Variants in ASTN2 observed in about 807,000 individuals in gnomAD.
ASTN2 encodes astrotactin 2, also known as astrotactin-2.
Under a neutral mutation model 139.8 loss-of-function variants are expected in ASTN2, and 54 were observed. The observed-to-expected ratio is 0.39, with a 90% CI of 0.31 to 0.48. ASTN2 has a LOEUF of 0.48. Among genes scored for constraint, ASTN2 ranks in the 20% least tolerant of loss-of-function variants. The pLI is 0.95. For missense variants in ASTN2, 1,565 were observed against 1,725.1 expected, an observed-to-expected ratio of 0.91 and a Z score of 1.64; for synonymous variants, 756 against 719.5, an observed-to-expected ratio of 1.05 and a Z score of -0.81.
At chr9:117,393,982 T>C (rs1378994625) in intron 1 of ASTN2, among the ~76,000 whole-genome samples, 3 of 152,232 alleles carry the variant, frequency 2.0e-5, no homozygotes, top group Admixed American at 1.3e-4. Context: ...TCCTGGACTA[T>C]AAGATGCACC....
chr9:117,388,100 C>A (rs1330308829), intron 1 of ASTN2, among the ~76,000 whole-genome samples: 1 of 152,190 alleles, frequency 6.6e-6, no homozygotes, highest in Non-Finnish European at 1.5e-5. Context: ...GCACTCTTCA[C>A]AGTGGAGCCA....
chr9:116,966,505 G>A (rs536633805), intron 10 of ASTN2, among the ~76,000 whole-genome samples: 1 of 152,204 alleles, frequency 6.6e-6, no homozygotes, highest in South Asian at 2.1e-4. Context: ...TACTGAGCCT[G>A]GGCAGAAACT....
intron 19 of ASTN2, among the ~76,000 whole-genome samples, chr9:116,509,185 C>A (rs140734498): frequency 1.3e-5 from 2 of 152,062 alleles, no homozygotes; most frequent in South Asian, 2.1e-4. Context: ...CAGGCCCTGG[C>A]GTGTGATGTT....
intron 19 of ASTN2, among the ~76,000 whole-genome samples, chr9:116,565,744 A>G (rs1237381620): frequency 6.6e-6 from 1 of 151,776 alleles, no homozygotes. Flanking sequence ...CAGCCTCCCA[A>G]AGGGCTGGGA....
chr9:116,613,172 C>G (rs1450693669), intron 19 of ASTN2: 1 of 152,136 alleles, frequency 6.6e-6, no homozygotes, highest in African/African-American at 2.4e-5. Flanking sequence ...CAAGACTAAA[C>G]CAGGAAGAAG....
intron 20 of ASTN2, among the ~76,000 whole-genome samples, chr9:116,473,456 G>T (rs1169228337): frequency 6.6e-6 from 1 of 152,166 alleles, no homozygotes; most frequent in African/African-American, 2.4e-5. Flanking sequence ...AGATGATGGG[G>T]GAAAACAATC....
At chr9:117,082,102 C>T (rs980859397) in intron 5 of ASTN2, among the ~76,000 whole-genome samples, 2 of 152,306 alleles carry the variant, frequency 1.3e-5, no homozygotes, top group East Asian at 3.9e-4. Context: ...CCACAGAGTG[C>T]TGACATCCAC....
chr9:116,498,079 C>G (rs10817899), intron 19 of ASTN2, among the ~76,000 whole-genome samples: 79,186 of 152,006 alleles, frequency 0.52, 22,139 homozygotes, highest in Admixed American at 0.62. Flanking sequence ...TAGTATCTGG[C>G]AGGGTTGAAG....
At chr9:116,544,586 C>G (rs1382677873) in intron 19 of ASTN2, among the ~76,000 whole-genome samples, 1 of 152,120 alleles carries the variant, frequency 6.6e-6, no homozygotes, top group Admixed American at 6.5e-5. Flanking sequence ...CATCACATTT[C>G]TGACAGTTAC....
At chr9:116,974,505 A>AATT (rs1836291298) in intron 10 of ASTN2, among the ~76,000 whole-genome samples, 1 of 107,068 alleles carries the variant, frequency 9.3e-6, no homozygotes, top group Admixed American at 1.0e-4. Flanking sequence ...TTTAGCCTGG[A>AATT]CTTTTTTTTT....
intron 19 of ASTN2, among the ~76,000 whole-genome samples, chr9:116,513,814 C>T (rs1183907186): frequency 2.0e-5 from 3 of 152,172 alleles, no homozygotes; most frequent in African/African-American, 4.8e-5. Context: ...CTTGTGCATT[C>T]GTCACGTAGT....
intron 10 of ASTN2, among the ~76,000 whole-genome samples, chr9:116,957,630 A>G (rs548247503): frequency 5.9e-5 from 9 of 152,306 alleles, no homozygotes; most frequent in East Asian, 5.8e-4. Context: ...GTGCCTCTCA[A>G]TCTGGGTCTG....
chr9:116,786,071 G>T lies in ASTN2; in HGVS notation c.2396+19561C>A, dbSNP rs535341922. ...TACTTGCCCCGCCTCCTTCCCCTCT[G>T]TTCTATCCACCGAGGCTCCTTTTGG... is the stretch of plus-strand genomic sequence containing the variant. On this transcript the variant is annotated intron_variant, in intron 13 of 22. Coordinates refer to ENST00000313400, the MANE Select transcript of ASTN2 (RefSeq NM_001365068.1). Among the ~76,000 whole-genome samples the T allele has an allele frequency of 6.6e-5, 10 of 152,062 alleles. No individual in the cohort carries two copies. The South Asian group carries it at 1.5e-3, about 22-fold the overall frequency.
chr9:116,679,692 T>A (rs1859721986), intron 16 of ASTN2, among the ~76,000 whole-genome samples: 1 of 152,140 alleles, frequency 6.6e-6, no homozygotes, highest in African/African-American at 2.4e-5. Context: ...CACAGTGCAA[T>A]CAAACTTGAA....
At chr9:117,359,210 T>C (rs954769855) in intron 1 of ASTN2, among the ~76,000 whole-genome samples, 4 of 152,164 alleles carry the variant, frequency 2.6e-5, no homozygotes, top group Admixed American at 2.0e-4. Context: ...TGCTTCAAAC[T>C]GAGAACCTCA....
intron 16 of ASTN2, chr9:116,697,752 G>A: frequency 7.4e-6 from 12 of 1,614,028 alleles, no homozygotes; most frequent in Non-Finnish European, 8.5e-6. Flanking sequence ...AATGGCTGCA[G>A]CAGCAGCTTC....
intron 6 of ASTN2, among the ~76,000 whole-genome samples, chr9:117,035,397 A>G (rs1838356959): frequency 6.6e-6 from 1 of 152,172 alleles, no homozygotes; most frequent in African/African-American, 2.4e-5. Context: ...GTTGTAACAC[A>G]TTTATAAATA....
Position 116,975,255 on chromosome 9 carries a change from G to T in ASTN2, c.1842C>A (p.Ala614=), listed in dbSNP as rs1478735980. 2 of 1,613,414 alleles carry T rather than the reference G, an allele frequency of 1.2e-6. No individual in the cohort carries two copies. Among genetic ancestry groups the T allele is most frequent in the African/African-American group, 1.3e-5 (1 of 74,906 alleles). The change falls in exon 10 of 23, where the codon GCC becomes GCA. Residue 614 remains alanine, a synonymous_variant. Transcript: ENST00000313400. ...TGACGAGCACATCGGTCTTGCAGCT[G>T]GCCAGGGGGTTGATGGACAGCTCCA... ...PPVELSINPL[A]SCKTDVLVTE...
chr9:116,619,289 C>T (rs780751378), intron 18 of ASTN2, among the ~76,000 whole-genome samples: 6 of 152,052 alleles, frequency 3.9e-5, no homozygotes, highest in Admixed American at 1.3e-4. Flanking sequence ...ATGCTTGCAA[C>T]GACAATGACT....
Sources: allele counts gnomAD v4.1 joint callset (sites outside exome capture counted in the v4.1 genomes callset), GRCh38; gene constraint gnomAD v4.1.1; transcripts MANE v1.5; gene names NCBI Gene and HGNC (gene_info 2026-07-23, HGNC 2026-07-21).